ATG5: variants seen among roughly 807,000 people sequenced by gnomAD.
ATG5 encodes autophagy protein 5.
In ATG5, 14 loss-of-function variants were observed where a neutral mutation model predicts 36.5. The ratio of observed to expected loss-of-function variants is 0.38; its 90% CI spans 0.25 to 0.60. The LOEUF (loss-of-function observed/expected upper bound fraction) is 0.60, where lower values mean the gene tolerates loss of function less well. Ranked by LOEUF, ATG5 falls within the 20% of genes least tolerant of loss-of-function variation. ATG5 has a pLI of 0.60. For synonymous variants in ATG5, 95 were observed against 101.5 expected (o/e 0.94, Z 0.38); for missense variants, 195 against 326.7 (o/e 0.60, Z 3.11).
At chr6:106,224,109 T>C (rs1388437043) in intron 6 of ATG5, among the ~76,000 whole-genome samples, 1 of 152,204 alleles carries the variant, frequency 6.6e-6, no homozygotes, top group Non-Finnish European at 1.5e-5. Flanking sequence ...CTGAAGTAAC[T>C]TTAGAAGCAC....
chr6:106,186,966 T>A lies in ATG5; in HGVS notation c.692-290A>T, dbSNP rs147216771. On this transcript the variant is annotated intron_variant, in intron 7 of 7. Transcript: ENST00000369076. ...AAGATTGACGTTAATGAAACTGTAG[T>A]GGCAAAAACAGCCCATTGTACCAAT... 3.5e-3 allele frequency among the ~76,000 whole-genome samples: 539 copies of A among 152,326 alleles called. 2 individuals carry two copies. Among genetic ancestry groups the A allele is most frequent in the Non-Finnish European group, 6.1e-3 (417 of 68,014 alleles).
chr6:106,219,892 T>A (rs1277305573), intron 6 of ATG5, among the ~76,000 whole-genome samples: 1 of 152,118 alleles, frequency 6.6e-6, no homozygotes, highest in Non-Finnish European at 1.5e-5. Context: ...CAAATGTGTA[T>A]CCAATCTTGT....
intron 6 of ATG5, among the ~76,000 whole-genome samples, chr6:106,235,517 G>T (rs564112955): frequency 6.6e-6 from 1 of 152,094 alleles, no homozygotes; most frequent in Non-Finnish European, 1.5e-5. Flanking sequence ...TTCCTAGGCC[G>T]ACTAAGAATC....
intron 2 of ATG5, among the ~76,000 whole-genome samples, chr6:106,312,422 G>T (rs983977664): frequency 6.6e-6 from 1 of 151,918 alleles, no homozygotes; most frequent in Non-Finnish European, 1.5e-5. Context: ...ATCTAAGTGA[G>T]GATCTCCAGC....
At chr6:106,241,291 T>C (rs1778114760) in intron 6 of ATG5, among the ~76,000 whole-genome samples, 1 of 152,160 alleles carries the variant, frequency 6.6e-6, no homozygotes, top group Non-Finnish European at 1.5e-5. Flanking sequence ...CACTATTCAT[T>C]AGTGATTACA....
At chr6:106,214,975 G>A (rs1671444535) in intron 6 of ATG5, among the ~76,000 whole-genome samples, 1 of 151,864 alleles carries the variant, frequency 6.6e-6, no homozygotes. Flanking sequence ...TCATACCAAG[G>A]GAAGTATAGT....
At chr6:106,297,756 ACAC>A in intron 3 of ATG5, among the ~76,000 whole-genome samples, 1 of 126,174 alleles carries the variant, frequency 7.9e-6, no homozygotes, top group African/African-American at 2.8e-5. Flanking sequence ...ACACACACAC[ACAC>A]ACACACATAT....
chr6:106,310,057 A>AT (rs1024741073), intron 2 of ATG5, among the ~76,000 whole-genome samples: 1 of 152,148 alleles, frequency 6.6e-6, no homozygotes, highest in African/African-American at 2.4e-5. Flanking sequence ...GAAATAAAAT[A>AT]TTTTTTACAA....
intron 3 of ATG5, among the ~76,000 whole-genome samples, chr6:106,304,019 A>G (rs1404395905): frequency 6.6e-6 from 1 of 151,804 alleles, no homozygotes; most frequent in Non-Finnish European, 1.5e-5. Context: ...TACAGATTGG[A>G]AAAATTATAT....
At chr6:106,218,980 G>A (rs1313539328) in intron 6 of ATG5, among the ~76,000 whole-genome samples, 2 of 151,466 alleles carry the variant, frequency 1.3e-5, no homozygotes, top group African/African-American at 2.4e-5. Context: ...TATGAGGGAG[G>A]AAAAGTGGGA....
At chr6:106,205,064 C>T (rs1334417532) in intron 6 of ATG5, among the ~76,000 whole-genome samples, 1 of 152,178 alleles carries the variant, frequency 6.6e-6, no homozygotes, top group Non-Finnish European at 1.5e-5. Flanking sequence ...CATGAAGAAG[C>T]TTTTAATGCT....
At chr6:106,257,648 G>A (rs73778109) in intron 5 of ATG5, among the ~76,000 whole-genome samples, 1,861 of 152,302 alleles carry the variant, frequency 0.012, 20 homozygotes, top group Middle Eastern at 0.037. Flanking sequence ...CATTTGCAAA[G>A]ATGGTAATAT....
chr6:106,213,272 T>C (rs1020869660), intron 6 of ATG5, among the ~76,000 whole-genome samples: 2 of 152,202 alleles, frequency 1.3e-5, no homozygotes, highest in Non-Finnish European at 2.9e-5. Flanking sequence ...AACAGAAATA[T>C]GTACAAAGCA....
chr6:106,275,895 T>C (rs1012607385), intron 5 of ATG5, among the ~76,000 whole-genome samples: 1 of 152,214 alleles, frequency 6.6e-6, no homozygotes, highest in Non-Finnish European at 1.5e-5. Flanking sequence ...CTCCTCATAA[T>C]GATTTAACTC....
chr6:106,269,276 T>G (rs1321255710), intron 5 of ATG5, among the ~76,000 whole-genome samples: 1 of 151,922 alleles, frequency 6.6e-6, no homozygotes, highest in African/African-American at 2.4e-5. Flanking sequence ...AGATACAGAG[T>G]GCTGATTGGT....
intron 5 of ATG5, among the ~76,000 whole-genome samples, chr6:106,267,028 G>C (rs1779252366): frequency 6.6e-6 from 1 of 151,858 alleles, no homozygotes; most frequent in South Asian, 2.1e-4. Flanking sequence ...AAAAAATAAA[G>C]GGTATTCAAA....
At chr6:106,187,563 T>C (rs1775823099) in intron 7 of ATG5, among the ~76,000 whole-genome samples, 1 of 152,138 alleles carries the variant, frequency 6.6e-6, no homozygotes, top group African/African-American at 2.4e-5. Flanking sequence ...TCTGGGTTTG[T>C]CTCCTTTACC....
chr6:106,309,519 C>T (rs1770569590), intron 2 of ATG5, among the ~76,000 whole-genome samples: 1 of 152,040 alleles, frequency 6.6e-6, no homozygotes, highest in African/African-American at 2.4e-5. Context: ...TAGTATTATG[C>T]ATTCAACAGA....
intron 3 of ATG5, among the ~76,000 whole-genome samples, chr6:106,297,956 T>G (rs1020757130): frequency 6.7e-6 from 1 of 148,678 alleles, no homozygotes; most frequent in Admixed American, 6.8e-5. Context: ...GGAGACCCTG[T>G]CAAAATCTAT....
Sources: allele counts gnomAD v4.1 joint callset (sites outside exome capture counted in the v4.1 genomes callset), GRCh38; gene constraint gnomAD v4.1.1; transcripts MANE v1.5; gene names NCBI Gene and HGNC (gene_info 2026-07-23, HGNC 2026-07-21).